MAGI2: variants seen among roughly 807,000 people sequenced by gnomAD.
MAGI2 encodes the protein membrane-associated guanylate kinase, WW and PDZ domain-containing protein 2.
A neutral mutation model predicts 133.3 loss-of-function variants in MAGI2; 35 were observed. The observed-to-expected ratio is 0.26, with a 90% confidence interval of 0.20 to 0.35. MAGI2 has a LOEUF of 0.35. Among genes scored for constraint, MAGI2 ranks in the 10% least tolerant of loss-of-function variants. The pLI is 1.00. For synonymous variants in MAGI2, 729 were observed against 710.6 expected (o/e 1.03, Z -0.41); for missense variants, 1,636 against 1,863.4 (o/e 0.88, Z 2.25).
chr7:79,248,783 A>G (rs1293921179), intron 1 of MAGI2, among the ~76,000 whole-genome samples: 1 of 152,188 alleles, frequency 6.6e-6, no homozygotes, highest in African/African-American at 2.4e-5. Context: ...TAAAGAAATT[A>G]AGAAGAAAAT....
chr7:78,917,470 T>G (rs1798889427), intron 2 of MAGI2, among the ~76,000 whole-genome samples: 1 of 152,014 alleles, frequency 6.6e-6, no homozygotes, highest in Non-Finnish European at 1.5e-5. Context: ...GGGATAGATG[T>G]GGTGGAGAAG....
rs1422661095 is a variant in MAGI2, at chr7:78,654,738, TATATATATATAG to T, written c.419-27511_419-27500del. On this transcript the variant is annotated intron_variant, in intron 2 of 21. Coordinates refer to ENST00000354212, the MANE Select transcript of MAGI2 (RefSeq NM_012301.4). ...ATATATATATATATATATATATATATATATATATATAGCATATATTTTGCATCGCAACTGGAA... is the reference window on the plus strand; with the variant it reads ...ATATATATATATATATATATATATATCATATATTTTGCATCGCAACTGGAA... 2.8e-3 allele frequency among the ~76,000 whole-genome samples: 173 copies of T among 60,978 alleles called. 2 individuals carry two copies. Among genetic ancestry groups the T allele is most frequent in the South Asian group, 0.01 (17 of 1,688 alleles). 40.0% of individuals were successfully genotyped at this position (60,978 alleles called of 152,430 possible).
intron 1 of MAGI2, among the ~76,000 whole-genome samples, chr7:79,314,883 T>C (rs1375890701): frequency 1.3e-5 from 2 of 152,154 alleles, no homozygotes; most frequent in Admixed American, 1.3e-4. Flanking sequence ...TAGAGAGAAG[T>C]GCCCTAAAAT....
At chr7:78,747,362 A>G (rs1271494668) in intron 2 of MAGI2, among the ~76,000 whole-genome samples, 3 of 152,152 alleles carry the variant, frequency 2.0e-5, no homozygotes, top group African/African-American at 7.2e-5. Flanking sequence ...TAAGAAATGC[A>G]TTATTTGAAT....
At chr7:79,161,134 G>A (rs1824311345) in intron 1 of MAGI2, among the ~76,000 whole-genome samples, 1 of 151,966 alleles carries the variant, frequency 6.6e-6, no homozygotes, top group South Asian at 2.1e-4. Context: ...ACATAAGGTA[G>A]TTGTAACCCC....
chr7:78,401,432 TC>T (rs1483518350), intron 6 of MAGI2, among the ~76,000 whole-genome samples: 1 of 151,388 alleles, frequency 6.6e-6, no homozygotes, highest in African/African-American at 2.4e-5. Flanking sequence ...ACATGTGAAT[TC>T]TTCTCTCCCT....
At chr7:78,589,616 A>G (rs564639042) in intron 3 of MAGI2, among the ~76,000 whole-genome samples, 3 of 150,812 alleles carry the variant, frequency 2.0e-5, no homozygotes, top group South Asian at 2.1e-4. Context: ...TAGAGCCCCA[A>G]AGATACCAGG....
In MAGI2 at chr7:78,256,035, T is replaced by C; in HGVS notation, c.1955A>G (p.Gln652Arg). ...TGTATGGCTCAGGTTCTGTACATTC[T>C]GCTGGTTGATCTCAACAATGAGGTC... ...EGDLIVEINQQNVQNLSHTEV... is the reference protein window; with the variant it reads ...EGDLIVEINQRNVQNLSHTEV... Residue 652 changes from glutamine to arginine, a missense_variant, in exon 10 of 22, where the codon CAG becomes CGG. Gln to Arg is a conservative substitution (Grantham distance 43). Coordinates refer to ENST00000354212, the MANE Select transcript of MAGI2 (RefSeq NM_012301.4). 6.2e-7 allele frequency: 1 copy of C among 1,613,702 alleles called. No individual in the cohort carries two copies. Among genetic ancestry groups the C allele is most frequent in the Non-Finnish European group, 8.5e-7 (1 of 1,179,876 alleles).
intron 1 of MAGI2, among the ~76,000 whole-genome samples, chr7:79,180,575 A>G (rs1826524784): frequency 6.6e-6 from 1 of 152,008 alleles, no homozygotes; most frequent in South Asian, 2.1e-4. Context: ...ATCCCACAAC[A>G]TGTGGGAATT....
At chr7:78,398,688 C>T (rs1796581795) in intron 6 of MAGI2, among the ~76,000 whole-genome samples, 1 of 152,108 alleles carries the variant, frequency 6.6e-6, no homozygotes, top group Non-Finnish European at 1.5e-5. Context: ...CCCCAACTCT[C>T]AGTCTTGGTG....
At chr7:79,059,295 G>T (rs58639929) in intron 1 of MAGI2, among the ~76,000 whole-genome samples, 15,974 of 151,972 alleles carry the variant, frequency 0.11, 870 homozygotes, top group African/African-American at 0.14. Context: ...AACGGACCTT[G>T]TCTGTCCAAA....
At chr7:79,075,871 A>G (rs530887933) in intron 1 of MAGI2, among the ~76,000 whole-genome samples, 43 of 152,366 alleles carry the variant, frequency 2.8e-4, no homozygotes, top group Admixed American at 4.6e-4. Context: ...ACAACACCAC[A>G]TAAATTGTTA....
intron 9 of MAGI2, among the ~76,000 whole-genome samples, chr7:78,299,100 G>A (rs1797600814): frequency 6.6e-6 from 1 of 152,116 alleles, no homozygotes; most frequent in African/African-American, 2.4e-5. Flanking sequence ...TTACAGGCGT[G>A]AGCTACCGTG....
chr7:78,828,466 A>G (rs758720072), intron 2 of MAGI2, among the ~76,000 whole-genome samples: 9 of 152,174 alleles, frequency 5.9e-5, no homozygotes, highest in Non-Finnish European at 1.3e-4. Context: ...TCAAAGAAAT[A>G]TCATCTGAGA....
chr7:79,434,734 C>T (rs4730828), intron 1 of MAGI2, among the ~76,000 whole-genome samples: 120,666 of 152,116 alleles, frequency 0.79, 47,980 homozygotes, highest in African/African-American at 0.84. Context: ...TTAAAGTGTG[C>T]GACGGTCAAT....
intron 9 of MAGI2, among the ~76,000 whole-genome samples, chr7:78,272,702 C>T (rs1794702250): frequency 6.6e-6 from 1 of 152,146 alleles, no homozygotes; most frequent in Admixed American, 6.5e-5. Context: ...TAATGCCCTT[C>T]TTTGTCTCTT....
chr7:78,929,751 TA>T (rs1430514083), intron 2 of MAGI2, among the ~76,000 whole-genome samples: 1 of 152,068 alleles, frequency 6.6e-6, no homozygotes, highest in Non-Finnish European at 1.5e-5. Flanking sequence ...ATCCTTAATT[TA>T]ATCACATCTG....
chr7:78,842,167 G>A (rs563887), intron 2 of MAGI2, among the ~76,000 whole-genome samples: 109,016 of 151,766 alleles, frequency 0.72, 39,453 homozygotes, highest in Middle Eastern at 0.8. Context: ...AAGTTAAGAC[G>A]AACAAGTAAT....
At chr7:79,216,941 T>C (rs1045433215) in intron 1 of MAGI2, among the ~76,000 whole-genome samples, 2 of 152,098 alleles carry the variant, frequency 1.3e-5, no homozygotes, top group Non-Finnish European at 2.9e-5. Flanking sequence ...CTAATTCTTA[T>C]GTACAATATA....
Sources: gnomAD v4.1 joint callset for allele counts (sites outside exome capture counted in the v4.1 genomes callset) on GRCh38, gnomAD v4.1.1 for gene constraint, MANE v1.5 for transcripts, NCBI Gene and HGNC (gene_info 2026-07-23, HGNC 2026-07-21) for gene names.